Variants in PTPRD observed in about 807,000 individuals in gnomAD.
PTPRD encodes the protein protein tyrosine phosphatase receptor type D, also known as receptor-type tyrosine-protein phosphatase delta.
A neutral mutation model predicts 214.5 loss-of-function variants in PTPRD; 34 were observed. The ratio of observed to expected loss-of-function variants is 0.16; its 90% CI spans 0.12 to 0.21. PTPRD has a LOEUF of 0.21. Among genes scored for constraint, PTPRD ranks in the 10% least tolerant of loss-of-function variants. The pLI is 1.00. For missense variants in PTPRD, 2,545 were observed against 2,398.7 expected (o/e 1.06, Z -1.27); for synonymous variants, 1,128 against 845.7 (o/e 1.33, Z -5.79).
intron 2 of PTPRD, among the ~76,000 whole-genome samples, chr9:10,493,931 G>C (rs1410540090): frequency 6.6e-6 from 1 of 151,876 alleles, no homozygotes; most frequent in Non-Finnish European, 1.5e-5. Context: ...AATACAACTA[G>C]CAAGTGAAGG....
chr9:9,187,632 T>A (rs1258035355), intron 9 of PTPRD, among the ~76,000 whole-genome samples: 1 of 152,086 alleles, frequency 6.6e-6, no homozygotes, highest in African/African-American at 2.4e-5. Context: ...CTTGTTCTAA[T>A]GTCATCCCTT....
intron 8 of PTPRD, among the ~76,000 whole-genome samples, chr9:9,528,578 G>A (rs891705816): frequency 6.6e-6 from 1 of 152,030 alleles, no homozygotes; most frequent in Non-Finnish European, 1.5e-5. Flanking sequence ...ATTTTCCCAA[G>A]TTGCTGAAAA....
chr9:10,201,598 G>T (rs1026659595), intron 3 of PTPRD, among the ~76,000 whole-genome samples: 2 of 151,962 alleles, frequency 1.3e-5, no homozygotes, highest in Non-Finnish European at 2.9e-5. Context: ...GTGTGCATGT[G>T]TGTGTGTATA....
At chr9:10,251,458 G>A (rs2092760187) in intron 3 of PTPRD, among the ~76,000 whole-genome samples, 2 of 151,018 alleles carry the variant, frequency 1.3e-5, no homozygotes, top group Non-Finnish European at 3.0e-5. Context: ...GTTAAGAGTT[G>A]GGCTCTGTAT....
chr9:8,331,318 T>G (rs867559718), intron 44 of PTPRD, among the ~76,000 whole-genome samples: 1 of 152,154 alleles, frequency 6.6e-6, no homozygotes, highest in Non-Finnish European at 1.5e-5. Flanking sequence ...CAATTCCCAT[T>G]AAGGTAAAAT....
chr9:9,673,222 G>A (rs1309502871), intron 7 of PTPRD, among the ~76,000 whole-genome samples: 2 of 151,790 alleles, frequency 1.3e-5, no homozygotes, highest in Non-Finnish European at 1.5e-5. Context: ...TTGTTTATGT[G>A]TTGATTTCTT....
chr9:8,545,576 G>C (rs934379582), intron 14 of PTPRD, among the ~76,000 whole-genome samples: 4 of 152,142 alleles, frequency 2.6e-5, no homozygotes, highest in Non-Finnish European at 5.9e-5. Context: ...AGAAGGCAAG[G>C]ACTATACAGA....
At chr9:10,171,051 T>A (rs1003537545) in intron 3 of PTPRD, among the ~76,000 whole-genome samples, 4 of 152,226 alleles carry the variant, frequency 2.6e-5, no homozygotes, top group African/African-American at 4.8e-5. Context: ...ACCATATATA[T>A]TTGTTGAAAT....
intron 7 of PTPRD, among the ~76,000 whole-genome samples, chr9:9,595,713 T>C (rs1195066585): frequency 1.3e-5 from 2 of 151,850 alleles, no homozygotes; most frequent in Non-Finnish European, 2.9e-5. Flanking sequence ...AAACATCGCA[T>C]GTTCTCACTC....
intron 2 of PTPRD, among the ~76,000 whole-genome samples, chr9:10,556,600 G>T (rs1390612961): frequency 6.6e-6 from 1 of 151,962 alleles, no homozygotes; most frequent in Admixed American, 6.6e-5. Flanking sequence ...TAATCCCTAG[G>T]CTCAAATTTT....
intron 2 of PTPRD, among the ~76,000 whole-genome samples, chr9:10,547,867 A>T (rs1251992473): frequency 5.3e-5 from 8 of 152,150 alleles, no homozygotes; most frequent in Non-Finnish European, 8.8e-5. Flanking sequence ...ATGAGGAATA[A>T]CATGATATTT....
chr9:8,697,417 C>CTTTTTTTTTTTTTTTTTTTTTTTGTAT (rs2097942831), intron 12 of PTPRD, among the ~76,000 whole-genome samples: 1 of 63,242 alleles, frequency 1.6e-5, no homozygotes, highest in African/African-American at 6.7e-5. Flanking sequence ...TTTTTATGTA[C>CTTTTTTTTTTTTTTTTTTTTTTTGTAT]TTTTTTTTTT....
intron 3 of PTPRD, among the ~76,000 whole-genome samples, chr9:10,156,076 GTT>G (rs1187848354): frequency 1.9e-5 from 2 of 107,440 alleles, no homozygotes; most frequent in African/African-American, 3.7e-5. Flanking sequence ...TCTTTTGAAT[GTT>G]TGTGTGTGTG....
chr9:10,399,582 T>C (rs1299217726), intron 2 of PTPRD, among the ~76,000 whole-genome samples: 1 of 151,880 alleles, frequency 6.6e-6, no homozygotes, highest in African/African-American at 2.4e-5. Flanking sequence ...AAATATCTAG[T>C]GATGGTATAA....
intron 9 of PTPRD, among the ~76,000 whole-genome samples, chr9:9,264,049 C>G (rs1937730129): frequency 6.6e-6 from 1 of 151,526 alleles, no homozygotes; most frequent in African/African-American, 2.4e-5. Context: ...TTTCCTGAAG[C>G]CAGTCAGTAA....
At chr9:8,813,380 T>C (rs1326504002) in intron 11 of PTPRD, among the ~76,000 whole-genome samples, 3 of 152,138 alleles carry the variant, frequency 2.0e-5, no homozygotes, top group Non-Finnish European at 4.4e-5. Context: ...ACAGAATGCA[T>C]CTTAGGAAAT....
chr9:9,583,749 T>A (rs2154317110), intron 7 of PTPRD, among the ~76,000 whole-genome samples: 1 of 152,140 alleles, frequency 6.6e-6, no homozygotes, highest in African/African-American at 2.4e-5. Flanking sequence ...TCATTTTCAT[T>A]TTACTTCAGC....
At chr9:9,640,781 G>C (rs2095914882) in intron 7 of PTPRD, among the ~76,000 whole-genome samples, 1 of 152,170 alleles carries the variant, frequency 6.6e-6, no homozygotes, top group East Asian at 1.9e-4. Context: ...GAAGGGAGAA[G>C]AGAATCTTAA....
chr9:10,440,422 C>T (rs2098751130), intron 2 of PTPRD, among the ~76,000 whole-genome samples: 1 of 151,582 alleles, frequency 6.6e-6, no homozygotes, highest in Non-Finnish European at 1.5e-5. Flanking sequence ...TATGAACACT[C>T]CATAGAAATA....
Sources: gnomAD v4.1 joint callset for allele counts (sites outside exome capture counted in the v4.1 genomes callset) on GRCh38, gnomAD v4.1.1 for gene constraint, MANE v1.5 for transcripts, NCBI Gene and HGNC (gene_info 2026-07-23, HGNC 2026-07-21) for gene names.